TWNK: variants seen among roughly 807,000 people sequenced by gnomAD.
The protein encoded by TWNK is twinkle mtDNA helicase.
Under a neutral mutation model 58.2 loss-of-function variants are expected in TWNK, and 36 were observed. The ratio of observed to expected loss-of-function variants is 0.62; its 90% CI spans 0.47 to 0.82. TWNK has a LOEUF of 0.82. TWNK is among the 40% of genes least tolerant of loss of function. The pLI is 0.00. For synonymous variants in TWNK, 349 were observed against 348.5 expected, an observed-to-expected ratio of 1.00 and a Z score of -0.02; for missense variants, 714 against 881.0, an observed-to-expected ratio of 0.81 and a Z score of 2.40.
chr10:100,992,759 A>T (rs973334803), intron 4 of TWNK, among the ~76,000 whole-genome samples: 5 of 150,702 alleles, frequency 3.3e-5, no homozygotes, highest in African/African-American at 1.2e-4. Context: ...CATGGGGGGA[A>T]GTACTTTTCC....
chr10:100,989,102 C>T lies in TWNK; in HGVS notation c.892C>T (p.Leu298=). The change falls in exon 1 of 5, where the codon CTG becomes TTG. Residue 298 remains leucine, a synonymous_variant. Coordinates refer to ENST00000311916, the MANE Select transcript of TWNK (RefSeq NM_021830.5). The surrounding 1 kb of genome is among the most constrained non-coding windows in gnomAD (Gnocchi z 7.6). ...TCLPPALLPY[L]EQFRRIVFWL... The stretch of plus-strand genomic sequence containing the variant: ...CTTACCCCCTGCCTTACTCCCTTAC[C>T]TGGAACAGTTCCGGCGGATTGTATT... 6.2e-7 allele frequency: 1 copy of T among 1,613,086 alleles called. No homozygotes were observed. The highest frequency in any genetic ancestry group is 8.5e-7 in the Non-Finnish European group (1 of 1,179,130).
At position 100,989,406 on chromosome 10, in the gene TWNK, A is replaced by G. The variant is rs863223921; in HGVS notation, c.1196A>G (p.Asn399Ser). 12 of 1,614,020 alleles carry G rather than the reference A, an allele frequency of 7.4e-6. No individual in the cohort carries two copies. The highest frequency in any genetic ancestry group is 4.0e-5 in the African/African-American group (3 of 74,916). ...GLRWSRFPDL[N>S]RILKGHRKGE... ...CGCTGGAGCCGCTTTCCAGACCTCA[A>G]TCGTATCTTGAAGGGACATCGAAAG... The change falls in exon 1 of 5, where the codon AAT becomes AGT. Residue 399 changes from asparagine to serine, a missense_variant. Asn to Ser is a conservative substitution (Grantham distance 46, BLOSUM62 1). Transcript: ENST00000311916. This position sits in a 1 kb window ranked among gnomAD's most constrained non-coding sequence, Gnocchi z 7.6.
Position 100,988,802 on chromosome 10 carries a change from C to G in TWNK, c.592C>G (p.Leu198Val), listed in dbSNP as rs1851665193. The G allele has an allele frequency of 5.6e-6, 9 of 1,614,110 alleles. No homozygotes were observed. Among genetic ancestry groups the G allele is most frequent in the Admixed American group, 1.7e-5 (1 of 60,010 alleles). The part of the protein sequence containing the change: ...DTLKRFSVRY[L>V]RPARSLVFPW... ...ACTCAAGCGTTTCAGTGTGCGATATCTGCGACCTGCTCGCAGTCTTGTCTT... is the reference window on the plus strand; with the variant it reads ...ACTCAAGCGTTTCAGTGTGCGATATGTGCGACCTGCTCGCAGTCTTGTCTT... Residue 198 changes from leucine to valine, a missense_variant, in exon 1 of 5, where the codon CTG (leucine) becomes GTG (valine). By Grantham distance (32) the Leu-to-Val change is conservative. Coordinates refer to ENST00000311916, the MANE Select transcript of TWNK (RefSeq NM_021830.5). The surrounding 1 kb of genome is among the most constrained non-coding windows in gnomAD (Gnocchi z 5.2).
chr10:100,990,649 C>T (rs1851743671), intron 3 of TWNK, 106 bp downstream of exon 3: 2 of 1,608,414 alleles, frequency 1.2e-6, no homozygotes, highest in African/African-American at 2.7e-5. Flanking sequence ...CTCCTATTTT[C>T]TGAGATGTGT....
chr10:100,991,880 C>T (rs554461238), intron 4 of TWNK, among the ~76,000 whole-genome samples: 12 of 150,844 alleles, frequency 8.0e-5, no homozygotes, highest in African/African-American at 2.4e-4. Flanking sequence ...ATTAGCCGGG[C>T]GTGGTGGCAG....
Position 100,990,425 on chromosome 10 carries a change from C to A in TWNK, c.1485-11C>A. 1 of 1,608,008 alleles carries A rather than the reference C, an allele frequency of 6.2e-7. No homozygotes were observed. The highest frequency in any genetic ancestry group is 8.5e-7 in the Non-Finnish European group (1 of 1,174,516). On this transcript the variant is annotated splice_polypyrimidine_tract_variant and intron_variant, in intron 2 of 4. Coordinates refer to ENST00000311916, the MANE Select transcript of TWNK (RefSeq NM_021830.5). Reference sequence around the variant, plus strand: ...ACAACTTGTCAAATTCCTTGCCTTTCCTCTTCCCAGGACTGTAATAGATAC... The same window carrying A: ...ACAACTTGTCAAATTCCTTGCCTTTACTCTTCCCAGGACTGTAATAGATAC...
At chr10:100,993,093 C>A in intron 4 of TWNK, 97 bp from the exon 5 acceptor site, 1 of 1,314,282 alleles carries the variant, frequency 7.6e-7, no homozygotes, top group East Asian at 2.3e-5. Context: ...GCCCCTCTCC[C>A]CATTCTTATC....
chr10:100,993,130 T>C, intron 4 of TWNK, 60 bp from the exon 5 acceptor site: 1 of 1,568,774 alleles, frequency 6.4e-7, no homozygotes, highest in South Asian at 1.1e-5. Context: ...TCAGCCCCCC[T>C]TTCTGCTTTG....
chr10:100,989,663 G>A lies in TWNK; in HGVS notation c.1263G>A (p.Lys421=). The part of the protein sequence containing the change: ...TVFTGPTGSG[K]TTFISEYALD... ...CTGCAGGGCCAACAGGCAGTGGAAA[G>A]ACGACATTCATCAGTGAGTATGCCC... The change falls in exon 2 of 5, where the codon AAG becomes AAA. Residue 421 remains lysine, a synonymous_variant. Transcript: ENST00000311916. This position sits in a 1 kb window ranked among gnomAD's most constrained non-coding sequence, Gnocchi z 7.6. 6.2e-7 allele frequency: 1 copy of A among 1,614,200 alleles called. No homozygotes were observed. Among genetic ancestry groups the A allele is most frequent in the Non-Finnish European group, 8.5e-7 (1 of 1,180,046 alleles).
intron 4 of TWNK, 134 bp from the exon 5 acceptor site, chr10:100,993,056 G>A: frequency 2.1e-6 from 2 of 931,506 alleles, no homozygotes; most frequent in Non-Finnish European, 3.5e-6. Context: ...AAAGTTCTGG[G>A]ATTACAGGCG....
chr10:100,988,340 A>G lies in TWNK; in HGVS notation c.130A>G (p.Thr44Ala). The stretch of plus-strand genomic sequence containing the variant: ...TCCTCGCAGACGTTACAGGAAGGAG[A>G]CTCTCCAAGCCTTGGATATGCCAGT... ...GPPRRRYRKE[T>A]LQALDMPVLP... The change falls in exon 1 of 5, where the codon ACT becomes GCT. Residue 44 changes from threonine to alanine, a missense_variant. Physicochemically the swap from Thr to Ala is moderately conservative, Grantham distance 58. Around this residue, in one of 3 missense-constraint regions of TWNK, gnomAD observed 348 missense variants for 388.4 expected, o/e 0.90. Coordinates refer to ENST00000311916, the MANE Select transcript of TWNK (RefSeq NM_021830.5). The surrounding 1 kb of genome is among the most constrained non-coding windows in gnomAD (Gnocchi z 5.2). 1 of 1,614,138 alleles carries G rather than the reference A, an allele frequency of 6.2e-7. No individual in the cohort carries two copies. Among genetic ancestry groups the G allele is most frequent in the Non-Finnish European group, 8.5e-7 (1 of 1,180,024 alleles).
At chr10:100,993,107 C>T (rs1474729613) in intron 4 of TWNK, 83 bp from the exon 5 acceptor site, 9 of 1,433,342 alleles carry the variant, frequency 6.3e-6, no homozygotes, top group South Asian at 2.3e-5. Flanking sequence ...TCTTATCACT[C>T]CTCCCTGCCC....
chr10:100,993,181 G>C lies in TWNK; in HGVS notation c.1735-9G>C. 1.2e-6 allele frequency: 2 copies of C among 1,613,998 alleles called. No homozygotes were observed. Among genetic ancestry groups the C allele is most frequent in the Non-Finnish European group, 1.7e-6 (2 of 1,180,010 alleles). On this transcript the variant is annotated splice_polypyrimidine_tract_variant and intron_variant, in intron 4 of 4. Transcript: ENST00000311916. ...TCCTGCTTTCCTCCTTCTGCCCCCTGTTCCCCAGGCAAGCCAGGAAGCAGA... is the reference window on the plus strand; with the variant it reads ...TCCTGCTTTCCTCCTTCTGCCCCCTCTTCCCCAGGCAAGCCAGGAAGCAGA...
In TWNK at chr10:100,988,724, G is replaced by A; in HGVS notation, c.514G>A (p.Glu172Lys). The change falls in exon 1 of 5, where the codon GAG (glutamate) becomes AAG (lysine). Residue 172 changes from glutamate (E) to lysine (K), a missense_variant. Physicochemically the swap from Glu to Lys is moderately conservative, Grantham distance 56. Around this residue, in one of 3 missense-constraint regions of TWNK, gnomAD observed 348 missense variants for 388.4 expected, o/e 0.90. Coordinates refer to ENST00000311916, the MANE Select transcript of TWNK (RefSeq NM_021830.5). This position sits in a 1 kb window ranked among gnomAD's most constrained non-coding sequence, Gnocchi z 5.2. ...IPLWELPDQE[E>K]VQLADTMFGL... ...TCTCTGGGAGCTGCCTGATCAGGAG[G>A]AGGTTCAGCTGGCTGATACAATGTT... 1 of 1,614,180 alleles carries A rather than the reference G, an allele frequency of 6.2e-7. No individual in the cohort carries two copies. The highest frequency in any genetic ancestry group is 8.5e-7 in the Non-Finnish European group (1 of 1,180,022).
Position 100,988,514 on chromosome 10 carries a change from C to A in TWNK, c.304C>A (p.Leu102Ile). 2 of 1,614,216 alleles carry A rather than the reference C, an allele frequency of 1.2e-6. No homozygotes were observed. The highest frequency in any genetic ancestry group is 1.7e-6 in the Non-Finnish European group (2 of 1,180,046). Residue 102 changes from leucine to isoleucine, a missense_variant, in exon 1 of 5, where the codon CTC becomes ATC. Around this residue, in one of 3 missense-constraint regions of TWNK, gnomAD observed 348 missense variants for 388.4 expected, o/e 0.90. Coordinates refer to ENST00000311916, the MANE Select transcript of TWNK (RefSeq NM_021830.5). The surrounding 1 kb of genome is among the most constrained non-coding windows in gnomAD (Gnocchi z 5.2). ...GACTGGTGTTACCACTTCCTTCAGC[C>A]TCTTCATTGACAAGACCACAGGCCA... is the stretch of plus-strand genomic sequence containing the variant. The part of the protein sequence containing the change: ...GQTGVTTSFS[L>I]FIDKTTGHFL...
chr10:100,990,877 C>T lies in TWNK; in HGVS notation c.1601C>T (p.Ala534Val), dbSNP rs1851752042. 1 of 1,614,224 alleles carries T rather than the reference C, an allele frequency of 6.2e-7. No individual in the cohort carries two copies. The highest frequency in any genetic ancestry group is 8.5e-7 in the Non-Finnish European group (1 of 1,180,042). The change falls in exon 4 of 5, where the codon GCT (alanine) becomes GTT (valine). Residue 534 changes from alanine (A) to valine (V), a missense_variant. Ala to Val is a moderately conservative substitution (Grantham distance 64). Around this residue, in one of 3 missense-constraint regions of TWNK, gnomAD observed 302 missense variants for 438.6 expected, o/e 0.69. Transcript: ENST00000311916. ...TTGTTGGGATGGCGTAGGATCGCAG[C>T]TCAAGACTACATCATCGGGGTCTTT... ...HEQLSTDRIA[A>V]QDYIIGVFRK...
chr10:100,988,106 T>TC lies in TWNK; in HGVS notation c.-104dup. On this transcript the variant is annotated 5_prime_UTR_variant, in exon 1 of 5. The change abolishes the stop of an existing upstream ORF in the 5' untranslated region. Transcript: ENST00000311916. This position sits in a 1 kb window ranked among gnomAD's most constrained non-coding sequence, Gnocchi z 5.2. ...GAGAAAGAATGCACCTAGAGTGAGCTCTGCAGAGTGCTGCGTGGGATATCC... is the reference window on the plus strand; with the variant it reads ...GAGAAAGAATGCACCTAGAGTGAGCTCCTGCAGAGTGCTGCGTGGGATATCC... 1 of 1,281,948 alleles carries TC rather than the reference T, an allele frequency of 7.8e-7. No individual in the cohort carries two copies. Among genetic ancestry groups the TC allele is most frequent in the African/African-American group, 1.5e-5 (1 of 68,422 alleles). The allele number at this position is 1,281,948 out of a possible 1,614,324, so 79.4% of individuals were successfully genotyped here. A position where few individuals can be genotyped will look rare whatever the true frequency, so the allele number is the denominator to read the frequency against.
chr10:100,989,870 A>T lies in TWNK; in HGVS notation c.1470A>T (p.Gly490=). Residue 490 remains glycine (G), a synonymous_variant, in exon 2 of 5, where the codon GGA becomes GGT. Coordinates refer to ENST00000311916, the MANE Select transcript of TWNK (RefSeq NM_021830.5). The surrounding 1 kb of genome is among the most constrained non-coding windows in gnomAD (Gnocchi z 7.6). ...CCCTCTATTTCATGACTTTCCATGG[A>T]CAGCAAAGCATCAGGTGAGACTCCC... ...DLPLYFMTFH[G]QQSIRTVIDT... is the part of the protein sequence containing the mutation. The T allele has an allele frequency of 6.2e-7, 1 of 1,614,190 alleles. No homozygotes were observed. Among genetic ancestry groups the T allele is most frequent in the Non-Finnish European group, 8.5e-7 (1 of 1,180,036 alleles).
chr10:100,990,789 G>A, intron 3 of TWNK, 80 bp from the exon 4 acceptor site: 1 of 1,584,238 alleles, frequency 6.3e-7, no homozygotes, highest in South Asian at 1.1e-5. Context: ...TTTGTGGGGA[G>A]ATGTGAATGG....
Sources: gnomAD v4.1 joint callset for allele counts (sites outside exome capture counted in the v4.1 genomes callset) on GRCh38, gnomAD v4.1.1 for gene constraint, gnomAD v4.1.1 regional missense constraint, Gnocchi (gnomAD v3.1) non-coding constraint, MANE v1.5 for transcripts, NCBI Gene and HGNC (gene_info 2026-07-23, HGNC 2026-07-21) for gene names.